The following PTK2 variants were observed in gnomAD, a reference collection of about 807,000 sequenced individuals.
PTK2 encodes the protein focal adhesion kinase 1.
In PTK2, 45 loss-of-function variants were observed where a neutral mutation model predicts 150.1. The ratio of observed to expected loss-of-function variants is 0.30; its 90% confidence interval spans 0.24 to 0.38. The LOEUF is 0.38. Ranked by LOEUF, PTK2 falls within the 10% of genes least tolerant of loss-of-function variation. The probability of loss-of-function intolerance (pLI) is 1.00; values close to 1 mark genes in which losing one functional copy is unlikely to be tolerated. For missense variants in PTK2, 919 were observed against 1,307.3 expected (o/e 0.70, Z 4.58); for synonymous variants, 432 against 449.2 (o/e 0.96, Z 0.48).
chr8:140,746,910 T>A (rs779628808), intron 17 of PTK2, 50 bp from the exon 21 acceptor site: 21 of 1,091,906 alleles, frequency 1.9e-5, no homozygotes, highest in East Asian at 2.6e-5. Flanking sequence ...TTTTTTTTTT[T>A]AGACGGAGTC....
intron 22 of PTK2, among the ~76,000 whole-genome samples, chr8:140,727,014 C>A (rs2100046257): frequency 6.6e-6 from 1 of 152,146 alleles, no homozygotes. Context: ...ATGATTAACT[C>A]TAACTAAACT....
intron 29 of PTK2, among the ~76,000 whole-genome samples, chr8:140,672,432 T>C (rs2095671753): frequency 6.6e-6 from 1 of 152,164 alleles, no homozygotes; most frequent in Non-Finnish European, 1.5e-5. Flanking sequence ...AACAGAACTG[T>C]CAGGAGGCAT....
chr8:140,816,566 A>C (rs905721202), intron 10 of PTK2, among the ~76,000 whole-genome samples: 1 of 152,236 alleles, frequency 6.6e-6, no homozygotes, highest in Non-Finnish European at 1.5e-5. Context: ...ACAGGAAAAC[A>C]CACTGATTTC....
At chr8:140,763,294 AACAAGAATATTT>A (rs1330377473) in intron 15 of PTK2, among the ~76,000 whole-genome samples, 6 of 152,180 alleles carry the variant, frequency 3.9e-5, no homozygotes, top group East Asian at 1.9e-4. Flanking sequence ...AGAAAATCCA[AACAAGAATATTT>A]ACAAGAATAT....
At chr8:140,714,455 TAAAA>T (rs945836420) in intron 23 of PTK2, among the ~76,000 whole-genome samples, 1 of 142,240 alleles carries the variant, frequency 7.0e-6, no homozygotes, top group South Asian at 2.2e-4. Flanking sequence ...CATCTTTATT[TAAAA>T]AAAAAAGAAA....
chr8:140,826,091 G>T (rs758308595), intron 8 of PTK2, among the ~76,000 whole-genome samples: 1 of 151,858 alleles, frequency 6.6e-6, no homozygotes, highest in Non-Finnish European at 1.5e-5. Context: ...AATATAAATA[G>T]AAAGGGAAAA....
chr8:140,778,454 A>G (rs1158571743), intron 14 of PTK2, among the ~76,000 whole-genome samples: 1 of 152,190 alleles, frequency 6.6e-6, no homozygotes, highest in African/African-American at 2.4e-5. Flanking sequence ...CTGTCTCAAA[A>G]AAAGTAGTAG....
intron 3 of PTK2, 57 bp from the exon 4 acceptor site, chr8:140,879,694 A>AAC (rs2100147945): frequency 1.6e-6 from 2 of 1,254,594 alleles, no homozygotes; most frequent in Non-Finnish European, 2.1e-6. Flanking sequence ...AAAAAAAAAA[A>AAC]AAAAAAACCA....
chr8:140,719,505 C>T (rs1298359260), intron 22 of PTK2, among the ~76,000 whole-genome samples: 1 of 152,036 alleles, frequency 6.6e-6, no homozygotes, highest in South Asian at 2.1e-4. Context: ...TCTGCCCTGC[C>T]CCTCCAATCA....
At chr8:140,894,436 T>C (rs1471711286) in intron 2 of PTK2, among the ~76,000 whole-genome samples, 1 of 152,140 alleles carries the variant, frequency 6.6e-6, no homozygotes, top group Non-Finnish European at 1.5e-5. Context: ...ATGCATAAGG[T>C]TATTCACTGC....
chr8:140,968,378 C>T (rs2100186039), intron 1 of PTK2, among the ~76,000 whole-genome samples: 1 of 151,704 alleles, frequency 6.6e-6, no homozygotes, highest in Non-Finnish European at 1.5e-5. Flanking sequence ...CGAGTTGATC[C>T]TGCCCAAAAA....
At chr8:140,995,436 T>G (rs1315846596) in intron 1 of PTK2, among the ~76,000 whole-genome samples, 1 of 144,360 alleles carries the variant, frequency 6.9e-6, no homozygotes, top group Non-Finnish European at 1.5e-5. Context: ...AGTGTTCAAG[T>G]GAAAGGAAGA....
intron 22 of PTK2, among the ~76,000 whole-genome samples, chr8:140,730,955 C>G (rs868439704): frequency 2.4e-4 from 17 of 69,650 alleles, no homozygotes; most frequent in Middle Eastern, 7.9e-3. Context: ...TAAATTAAAC[C>G]CCCCCCCCCC....
chr8:140,701,126 T>G, intron 25 of PTK2, 104 bp from the exon 29 acceptor site: 1 of 1,302,464 alleles, frequency 7.7e-7, no homozygotes, highest in South Asian at 1.6e-5. Flanking sequence ...AAACAGCAAG[T>G]ATGAGAAACA....
At chr8:140,955,005 T>C (rs1462764735) in intron 1 of PTK2, among the ~76,000 whole-genome samples, 1 of 152,234 alleles carries the variant, frequency 6.6e-6, no homozygotes, top group Admixed American at 6.5e-5. Context: ...TTCAAACCCG[T>C]ATTTTAGTTG....
At chr8:140,832,968 A>G (rs538656747) in intron 7 of PTK2, 18 of 519,056 alleles carry the variant, frequency 3.5e-5, no homozygotes, top group Non-Finnish European at 6.5e-5. Context: ...GTCAACTGCT[A>G]TTAATCAACC....
At chr8:140,902,930 T>G (rs2100159172) in intron 2 of PTK2, among the ~76,000 whole-genome samples, 1 of 89,428 alleles carries the variant, frequency 1.1e-5, no homozygotes, top group Non-Finnish European at 2.4e-5. Flanking sequence ...AGTTGTTTTT[T>G]TTTTTTTTTT....
At chr8:140,987,901 C>T (rs1464143001) in intron 1 of PTK2, among the ~76,000 whole-genome samples, 1 of 151,966 alleles carries the variant, frequency 6.6e-6, no homozygotes, top group Non-Finnish European at 1.5e-5. Context: ...TTTAATTAGC[C>T]ATGTGTGATG....
At chr8:140,771,272 TA>T (rs1268859560) in intron 14 of PTK2, 18 of 152,380 alleles carry the variant, frequency 1.2e-4, no homozygotes, top group African/African-American at 3.8e-4. Context: ...ATACTTTACA[TA>T]AATTACCTTA....
Sources: gnomAD v4.1 joint callset for allele counts (sites outside exome capture counted in the v4.1 genomes callset) on GRCh38, gnomAD v4.1.1 for gene constraint, MANE v1.5 for transcripts, NCBI Gene and HGNC (gene_info 2026-07-23, HGNC 2026-07-21) for gene names.